The following DOK7 variants were observed in gnomAD, a reference collection of about 807,000 sequenced individuals.
DOK7 encodes protein Dok-7.
Under a neutral mutation model 30.7 loss-of-function variants are expected in DOK7, and 32 were observed. The ratio of observed to expected loss-of-function variants is 1.04; its 90% CI spans 0.79 to 1.40. The LOEUF (loss-of-function observed/expected upper bound fraction) is 1.40. DOK7 is among the 40% of genes most tolerant of loss of function. The pLI is 0.00. For missense variants in DOK7, 1,007 were observed against 699.2 expected, an observed-to-expected ratio of 1.44 and a Z score of -4.97; for synonymous variants, 447 against 324.1, an observed-to-expected ratio of 1.38 and a Z score of -4.07.
rs764598148 is a variant in DOK7 at position 3,476,463 on chromosome 4, G to A, written c.453G>A (p.Gln151=). 44 of 1,613,722 alleles carry A rather than the reference G, an allele frequency of 2.7e-5. No homozygotes were observed. The highest frequency in any genetic ancestry group is 3.6e-5 in the Non-Finnish European group (42 of 1,180,046). The change falls in exon 4 of 7, where the codon CAG becomes CAA. Residue 151 remains glutamine, a synonymous_variant. Coordinates refer to ENST00000340083, the MANE Select transcript of DOK7 (RefSeq NM_173660.5). ...ACATCCCCCCGGCTGTCACGGGGCAGTGGAAGCTGTCTGACCTCCGGCGCT... is the reference window on the plus strand; with the variant it reads ...ACATCCCCCCGGCTGTCACGGGGCAATGGAAGCTGTCTGACCTCCGGCGCT... The part of the protein sequence containing the change: ...ARDIPPAVTG[Q]WKLSDLRRYG...
downstream of DOK7, among the ~76,000 whole-genome samples, chr4:3,498,198 G>A (rs907488807): frequency 6.6e-6 from 1 of 152,152 alleles, no homozygotes; most frequent in Non-Finnish European, 1.5e-5. Flanking sequence ...AGTATCCGAG[G>A]TACTGGAAGC....
Position 3,489,709 on chromosome 4 carries a change from G to C in DOK7, c.685G>C (p.Glu229Gln), listed in dbSNP as rs768915955. ...TCCCCCGGGACCCTCGACTGTGGAG[G>C]AGCGTGTGGCCCAGGAAGCCCTGGA... is the stretch of plus-strand genomic sequence containing the variant. ...PSPPGPSTVE[E>Q]RVAQEALETL... The change falls in exon 6 of 7, where the codon GAG becomes CAG. Residue 229 changes from glutamate (E) to glutamine (Q), a missense_variant. Transcript: ENST00000340083. 17 of 1,564,428 alleles carry C rather than the reference G, an allele frequency of 1.1e-5. No individual in the cohort carries two copies. Among genetic ancestry groups the C allele is most frequent in the Non-Finnish European group, 1.2e-5 (14 of 1,154,596 alleles).
In DOK7 at chr4:3,494,093, C is replaced by A; in HGVS notation, c.*592C>A. 1 of 986,374 alleles carries A rather than the reference C, an allele frequency of 1.0e-6. No individual in the cohort carries two copies. The highest frequency in any genetic ancestry group is 1.2e-6 in the Non-Finnish European group (1 of 830,656). The allele number at this position is 986,374 out of a possible 1,614,324, so 61.1% of individuals were successfully genotyped here. A position where few individuals can be genotyped will look rare whatever the true frequency, so the allele number is the denominator to read the frequency against. On this transcript the variant is annotated 3_prime_UTR_variant, in exon 7 of 7. Coordinates refer to ENST00000340083, the MANE Select transcript of DOK7 (RefSeq NM_173660.5). ...TTGCGGGGTCTCTGGGTTCTGGGCC[C>A]CACTGTTCCCCAGTGAAGCCCTTGT... is the stretch of plus-strand genomic sequence containing the variant.
chr4:3,473,456 C>A lies in DOK7; in HGVS notation c.151C>A (p.Leu51Met), dbSNP rs761336523. 23 of 1,610,958 alleles carry A rather than the reference C, an allele frequency of 1.4e-5. No individual in the cohort carries two copies. Among genetic ancestry groups the A allele is most frequent in the Non-Finnish European group, 1.9e-5 (23 of 1,179,772 alleles). Residue 51 changes from leucine to methionine, a missense_variant, in exon 3 of 7, where the codon CTG becomes ATG. Coordinates refer to ENST00000340083, the MANE Select transcript of DOK7 (RefSeq NM_173660.5). ...GGACAAGTCGGAGCGTATCAAGGGC[C>A]TGCGGGAGCGCAGCAGCCTGACGCT... Reference protein sequence around the residue: ...YKDKSERIKGLRERSSLTLED... With the variant: ...YKDKSERIKGMRERSSLTLED...
intron 5 of DOK7, 39 bp downstream of exon 5, chr4:3,485,697 C>A (rs201108911): frequency 1.1e-5 from 16 of 1,503,538 alleles, no homozygotes; most frequent in Non-Finnish European, 1.1e-5. Context: ...AGGGTGCGCT[C>A]GGCAGGCTGT....
chr4:3,489,338 G>T (rs1160353380), intron 5 of DOK7, among the ~76,000 whole-genome samples: 1 of 152,168 alleles, frequency 6.6e-6, no homozygotes, highest in Non-Finnish European at 1.5e-5. Context: ...TGGGGGAGGG[G>T]CTGGTCATTT....
rs1229193561 is a variant in DOK7, at chr4:3,492,883, T to C, written c.897T>C (p.Pro299=). Residue 299 remains proline (P), a synonymous_variant, in exon 7 of 7, where the codon CCT becomes CCC. Transcript: ENST00000340083. ...CAGCCAGCACGTCACAGGAGGGGCC[T>C]AGACCAGCAGCTGCCCAGGCCGCCG... ...SSSASTSQEG[P]RPAAAQAAGE... is the part of the protein sequence containing the mutation. 6.2e-7 allele frequency: 1 copy of C among 1,600,394 alleles called. No homozygotes were observed. Among genetic ancestry groups the C allele is most frequent in the East Asian group, 2.3e-5 (1 of 44,158 alleles).
chr4:3,492,639 G>T (rs1365316469), intron 6 of DOK7, 120 bp from the exon 7 acceptor site: 2 of 1,406,324 alleles, frequency 1.4e-6, no homozygotes, highest in South Asian at 1.2e-5. Context: ...GGGCTTGGGG[G>T]CTGGAAGGGG....
Position 3,493,747 on chromosome 4 carries a change from T to C in DOK7, c.*246T>C. 2 of 1,418,226 alleles carry C rather than the reference T, an allele frequency of 1.4e-6. No individual in the cohort carries two copies. The highest frequency in any genetic ancestry group is 3.1e-5 in the South Asian group (2 of 64,864). The allele number at this position is 1,418,226 out of a possible 1,614,324, so 87.9% of individuals were successfully genotyped here. On this transcript the variant is annotated 3_prime_UTR_variant, in exon 7 of 7. Coordinates refer to ENST00000340083, the MANE Select transcript of DOK7 (RefSeq NM_173660.5). ...CAGGTCGGGGTCACCAGAGCCCCAA[T>C]GCTCAGCTGCTTCACTCCGTGTCCC...
At chr4:3,466,694 G>T (rs1175000070) in intron 2 of DOK7, among the ~76,000 whole-genome samples, 1 of 152,212 alleles carries the variant, frequency 6.6e-6, no homozygotes, top group African/African-American at 2.4e-5. Flanking sequence ...TGGGAGCAGT[G>T]ACCTGGGACG....
At chr4:3,498,312 GAC>G (rs565152688), downstream of DOK7, among the ~76,000 whole-genome samples, 57 of 152,318 alleles carry the variant, frequency 3.7e-4, 1 homozygote, top group African/African-American at 1.3e-3. Context: ...TACAGATACG[GAC>G]ACACTGCTGG....
chr4:3,494,956 G>C (rs78770234), downstream of DOK7, among the ~76,000 whole-genome samples: 1 of 152,116 alleles, frequency 6.6e-6, no homozygotes, highest in African/African-American at 2.4e-5. Context: ...GTGCCTGCCT[G>C]TCCCTTTGCC....
downstream of DOK7, among the ~76,000 whole-genome samples, chr4:3,497,207 C>T (rs936353132): frequency 2.6e-5 from 4 of 151,866 alleles, no homozygotes; most frequent in African/African-American, 9.7e-5. Context: ...GTCCCCAAGC[C>T]CTGAGTGTGG....
downstream of DOK7, among the ~76,000 whole-genome samples, chr4:3,498,022 G>C (rs911715408): frequency 2.0e-5 from 3 of 152,178 alleles, no homozygotes; most frequent in South Asian, 2.1e-4. Flanking sequence ...TGGAGGATGT[G>C]AATCTTTTCC....
intron 3 of DOK7, among the ~76,000 whole-genome samples, chr4:3,474,003 C>G (rs965823726): frequency 6.6e-6 from 1 of 152,076 alleles, no homozygotes; most frequent in Admixed American, 6.5e-5. Flanking sequence ...GCTGGGCGGT[C>G]CCACCCCAGC....
intron 2 of DOK7, among the ~76,000 whole-genome samples, chr4:3,468,138 G>C (rs1335589898): frequency 6.6e-6 from 1 of 152,190 alleles, no homozygotes; most frequent in Non-Finnish European, 1.5e-5. Context: ...ACCTGTGTGT[G>C]CAGGTGTGTA....
intron 5 of DOK7, 72 bp from the exon 6 acceptor site, chr4:3,489,605 T>C (rs1036327655): frequency 3.2e-6 from 5 of 1,550,104 alleles, no homozygotes; most frequent in Non-Finnish European, 4.4e-6. Flanking sequence ...TGAGTCAGGC[T>C]GGGCCTGGTG....
At position 3,473,403 on chromosome 4, in the gene DOK7, C is replaced by T. The variant is rs748275691; in HGVS notation, c.101-3C>T. On this transcript the variant is annotated splice_polypyrimidine_tract_variant and splice_region_variant and intron_variant, in intron 2 of 6. Coordinates refer to ENST00000340083, the MANE Select transcript of DOK7 (RefSeq NM_173660.5). ...GCGTCCCTGACGGCCACGCTCCTTG[C>T]AGACTGCCTGCTGATGCTGGTCTAC... 2.5e-6 allele frequency: 4 copies of T among 1,610,568 alleles called. No individual in the cohort carries two copies. Among genetic ancestry groups the T allele is most frequent in the Non-Finnish European group, 3.4e-6 (4 of 1,179,754 alleles).
intron 5 of DOK7, among the ~76,000 whole-genome samples, chr4:3,486,156 T>G (rs560609216): frequency 2.6e-4 from 39 of 152,222 alleles, no homozygotes; most frequent in African/African-American, 8.7e-4. Flanking sequence ...CAGGACACGT[T>G]GGGCTGAGGG....
Sources: gnomAD v4.1 joint callset for allele counts (sites outside exome capture counted in the v4.1 genomes callset) on GRCh38, gnomAD v4.1.1 for gene constraint, MANE v1.5 for transcripts, NCBI Gene and HGNC (gene_info 2026-07-23, HGNC 2026-07-21) for gene names.